Variants in NGEF observed in about 807,000 individuals in gnomAD.
The protein encoded by NGEF is ephexin-1.
NGEF carries 31 observed loss-of-function variants against 80.9 expected under a neutral mutation model. That is an observed-to-expected ratio of 0.38 (90% CI 0.29 to 0.52). The LOEUF (loss-of-function observed/expected upper bound fraction) is 0.52. Ranked by LOEUF, NGEF falls within the 20% of genes least tolerant of loss-of-function variation. The pLI is 0.84. For synonymous variants in NGEF, 371 were observed against 370.2 expected, an observed-to-expected ratio of 1.00 and a Z score of -0.03; for missense variants, 709 against 926.2, an observed-to-expected ratio of 0.77 and a Z score of 3.04.
intron 4 of NGEF, among the ~76,000 whole-genome samples, chr2:232,925,915 T>C (rs1171003307): frequency 6.6e-6 from 1 of 152,148 alleles, no homozygotes; most frequent in Non-Finnish European, 1.5e-5. Flanking sequence ...GGGGGCCCAC[T>C]GGGAACAAAA....
intron 3 of NGEF, among the ~76,000 whole-genome samples, chr2:232,943,653 A>G (rs1397416134): frequency 3.0e-4 from 45 of 150,790 alleles, no homozygotes; most frequent in African/African-American, 8.6e-4. Context: ...CCGCCACTAG[A>G]CCCGACTAAT....
intron 1 of NGEF, among the ~76,000 whole-genome samples, chr2:233,002,233 A>G (rs1694994065): frequency 6.6e-6 from 1 of 152,208 alleles, no homozygotes; most frequent in South Asian, 2.1e-4. Flanking sequence ...TTAATATTTT[A>G]CTTATTCTAG....
intron 3 of NGEF, among the ~76,000 whole-genome samples, chr2:232,958,459 G>A (rs539098029): frequency 1.3e-5 from 2 of 152,218 alleles, no homozygotes; most frequent in Admixed American, 1.3e-4. Flanking sequence ...CCCGGGAGTC[G>A]GCATGCATGC....
At chr2:232,903,456 A>ACG (rs1469046604) in intron 5 of NGEF, among the ~76,000 whole-genome samples, 1 of 152,098 alleles carries the variant, frequency 6.6e-6, no homozygotes, top group Non-Finnish European at 1.5e-5. Context: ...ACACACACAC[A>ACG]CACACCTGAA....
In NGEF at chr2:232,904,000, G is replaced by T. The variant is rs149734164; in HGVS notation, c.829-9084C>A. On this transcript the variant is annotated intron_variant, in intron 5 of 14. Coordinates refer to ENST00000264051, the MANE Select transcript of NGEF (RefSeq NM_019850.3). ...GTACAGATGCAGACTGAGCTGCATCGCAACTTACAGCTGTAAAAATTACAG... is the reference window on the plus strand; with the variant it reads ...GTACAGATGCAGACTGAGCTGCATCTCAACTTACAGCTGTAAAAATTACAG... 2.3e-3 allele frequency among the ~76,000 whole-genome samples: 347 copies of T among 152,164 alleles called. 4 individuals carry two copies. Among genetic ancestry groups the T allele is most frequent in the African/African-American group, 7.9e-3 (327 of 41,502 alleles).
intron 3 of NGEF, among the ~76,000 whole-genome samples, chr2:232,931,808 T>G (rs1226588724): frequency 6.6e-6 from 1 of 152,190 alleles, no homozygotes; most frequent in Non-Finnish European, 1.5e-5. Flanking sequence ...AAAACACATG[T>G]GATTCTTCCA....
At chr2:232,933,307 A>G (rs995695398) in intron 3 of NGEF, among the ~76,000 whole-genome samples, 1 of 152,042 alleles carries the variant, frequency 6.6e-6, no homozygotes, top group Non-Finnish European at 1.5e-5. Context: ...CATAACTGAC[A>G]GTGCACCCAC....
intron 5 of NGEF, among the ~76,000 whole-genome samples, chr2:232,895,177 T>TA (rs1478973631): frequency 6.6e-6 from 1 of 152,088 alleles, no homozygotes; most frequent in Non-Finnish European, 1.5e-5. Flanking sequence ...AGAGAACACT[T>TA]ACCATACTGA....
At chr2:232,942,819 A>G (rs977971225) in intron 3 of NGEF, among the ~76,000 whole-genome samples, 1 of 151,288 alleles carries the variant, frequency 6.6e-6, no homozygotes, top group Non-Finnish European at 1.5e-5. Flanking sequence ...AAAAGAAAAG[A>G]AGAAAATGAT....
In NGEF at chr2:232,920,332, G is replaced by A; in HGVS notation, c.780C>T (p.Ser260=). 2 of 1,614,156 alleles carry A rather than the reference G, an allele frequency of 1.2e-6. No individual in the cohort carries two copies. The highest frequency in any genetic ancestry group is 2.7e-5 in the African/African-American group (2 of 75,052). The part of the protein sequence containing the change: ...NLWQDLPEIR[S]SGVLEILQPE... Reference sequence around the variant, plus strand: ...GCTGTAGGATCTCAAGCACCCCGCTGCTCCGGATCTCGGGAAGATCCTGCC... The same window carrying A: ...GCTGTAGGATCTCAAGCACCCCGCTACTCCGGATCTCGGGAAGATCCTGCC... The change falls in exon 5 of 15, where the codon AGC becomes AGT. Residue 260 remains serine (S), a synonymous_variant. Transcript: ENST00000264051.
In NGEF at chr2:232,885,312, T is replaced by C; in HGVS notation, c.1405A>G (p.Ser469Gly). 3 of 1,614,154 alleles carry C rather than the reference T, an allele frequency of 1.9e-6. No homozygotes were observed. Among genetic ancestry groups the C allele is most frequent in the Non-Finnish European group, 2.5e-6 (3 of 1,180,030 alleles). The change falls in exon 10 of 15, where the codon AGC (serine) becomes GGC (glycine). Residue 469 changes from serine to glycine, a missense_variant. Transcript: ENST00000264051. ...TTGAACTCCATCTTCTTCTGAATGC[T>C]GATCATCTGTTCCGTGCGGCTCATT... Reference protein sequence around the residue: ...RKMSRTEQMISIQKKMEFKIK... With the variant: ...RKMSRTEQMIGIQKKMEFKIK...
intron 5 of NGEF, among the ~76,000 whole-genome samples, chr2:232,898,968 A>G (rs1692180864): frequency 6.6e-6 from 1 of 150,878 alleles, no homozygotes; most frequent in African/African-American, 2.5e-5. Flanking sequence ...GTGTGTGTGA[A>G]TGCATGTGTG....
At chr2:233,012,235 C>T (rs1012648992) in intron 1 of NGEF, among the ~76,000 whole-genome samples, 2 of 152,310 alleles carry the variant, frequency 1.3e-5, no homozygotes, top group Non-Finnish European at 2.9e-5. Context: ...AGAGCTGTCA[C>T]GAGCCCAGGA....
intron 5 of NGEF, among the ~76,000 whole-genome samples, chr2:232,896,641 A>G (rs1236766535): frequency 5.0e-5 from 1 of 20,092 alleles, no homozygotes; most frequent in Non-Finnish European, 8.7e-5. Context: ...AGTGGGGGTG[A>G]GGGTAGGGGT....
chr2:232,930,063 T>C (rs1334477726), intron 3 of NGEF, among the ~76,000 whole-genome samples: 1 of 152,144 alleles, frequency 6.6e-6, no homozygotes, highest in Non-Finnish European at 1.5e-5. Context: ...GTCCATTAAA[T>C]CTCTTTTTCT....
intron 5 of NGEF, among the ~76,000 whole-genome samples, chr2:232,899,958 ACAGT>A (rs1279610968): frequency 3.1e-5 from 4 of 128,718 alleles, no homozygotes; most frequent in Admixed American, 2.3e-4. Context: ...ACATGCTCTC[ACAGT>A]CACTCATATA....
intron 3 of NGEF, among the ~76,000 whole-genome samples, chr2:232,934,241 CAAAAA>C (rs11329977): frequency 2.0e-5 from 2 of 98,864 alleles, no homozygotes; most frequent in Non-Finnish European, 2.0e-5. Flanking sequence ...GACTGCATCT[CAAAAA>C]AAAAAAAAAA....
Position 232,888,084 on chromosome 2 carries a change from C to G in NGEF, c.1296G>C (p.Glu432Asp). The G allele has an allele frequency of 6.2e-7, 1 of 1,607,562 alleles. No individual in the cohort carries two copies. The highest frequency in any genetic ancestry group is 8.5e-7 in the Non-Finnish European group (1 of 1,178,128). The change falls in exon 9 of 15, where the codon GAG (glutamate) becomes GAC (aspartate). Residue 432 changes from glutamate (E) to aspartate (D), a missense_variant. Coordinates refer to ENST00000264051, the MANE Select transcript of NGEF (RefSeq NM_019850.3). ...LVQNILKRVEERSERECTALD... is the reference protein window; with the variant it reads ...LVQNILKRVEDRSERECTALD... ...AAGCAGTGCACTCCCGCTCAGACCT[C>G]TCTTCTACCCTCTTCAGGATGTTCT...
chr2:232,906,935 A>AAT, intron 5 of NGEF, among the ~76,000 whole-genome samples: 1 of 151,144 alleles, frequency 6.6e-6, no homozygotes, highest in Non-Finnish European at 1.5e-5. Flanking sequence ...GGTTAAATGG[A>AAT]TTAAGGGCGG....
Sources: allele counts gnomAD v4.1 joint callset (sites outside exome capture counted in the v4.1 genomes callset), GRCh38; gene constraint gnomAD v4.1.1; transcripts MANE v1.5; gene names NCBI Gene and HGNC (gene_info 2026-07-23, HGNC 2026-07-21).